The following KCNJ6 variants were observed in gnomAD, a reference collection of about 807,000 sequenced individuals.
The protein encoded by KCNJ6 is potassium inwardly rectifying channel subfamily J member 6.
A neutral mutation model predicts 34.2 loss-of-function variants in KCNJ6; 9 were observed. That is an observed-to-expected ratio of 0.26 (90% CI 0.16 to 0.46). The LOEUF (loss-of-function observed/expected upper bound fraction) is 0.46. KCNJ6 is among the 20% of genes least tolerant of loss of function. The probability of loss-of-function intolerance (pLI) is 1.00; values close to 1 mark genes in which losing one functional copy is unlikely to be tolerated. For missense variants in KCNJ6, 236 were observed against 531.3 expected (o/e 0.44, Z 5.46); for synonymous variants, 196 against 207.1 (o/e 0.95, Z 0.46).
Position 37,803,135 on chromosome 21 carries a change from G to A in KCNJ6, c.25+37523C>T, listed in dbSNP as rs2055277441. On this transcript the variant is annotated intron_variant, in intron 2 of 3. Coordinates refer to ENST00000609713, the MANE Select transcript of KCNJ6 (RefSeq NM_002240.5). Reference sequence around the variant, plus strand: ...TAAATTCTAAGCCTTTGACAATGACGTTGAAAATTATGTTTTCTTCCTTAG... The same window carrying A: ...TAAATTCTAAGCCTTTGACAATGACATTGAAAATTATGTTTTCTTCCTTAG... Among the ~76,000 whole-genome samples, 5 of 152,276 alleles carry A rather than the reference G, an allele frequency of 3.3e-5. No homozygotes were observed. In the South Asian group the frequency reaches 6.2e-4, roughly 19 times the overall value.
intron 3 of KCNJ6, among the ~76,000 whole-genome samples, chr21:37,684,348 A>AT (rs35320914): frequency 0.53 from 78,783 of 147,368 alleles, 20,727 homozygotes; most frequent in Non-Finnish European, 0.56. Context: ...TTTCCACTCC[A>AT]TTTTTTTTTT....
chr21:37,769,973 C>T (rs2055109956), intron 2 of KCNJ6, among the ~76,000 whole-genome samples: 1 of 152,208 alleles, frequency 6.6e-6, no homozygotes, highest in African/African-American at 2.4e-5. Context: ...CTTGATCTTA[C>T]ACTTCTCAGT....
chr21:37,863,044 C>T (rs532701258), intron 1 of KCNJ6, among the ~76,000 whole-genome samples: 3 of 152,178 alleles, frequency 2.0e-5, no homozygotes, highest in Admixed American at 6.5e-5. Context: ...CATAGACACT[C>T]GACATTCACA....
chr21:37,841,930 G>A (rs563041084), intron 1 of KCNJ6, among the ~76,000 whole-genome samples: 11 of 152,302 alleles, frequency 7.2e-5, no homozygotes, highest in African/African-American at 2.4e-4. Flanking sequence ...AAATCCTAAG[G>A]TGAGGTATGG....
intron 2 of KCNJ6, among the ~76,000 whole-genome samples, chr21:37,814,698 G>A (rs1462676889): frequency 1.3e-5 from 2 of 152,024 alleles, no homozygotes; most frequent in African/African-American, 2.4e-5. Flanking sequence ...AGAGATCGAG[G>A]CCATCCTGGC....
chr21:37,771,885 A>G (rs371168221), intron 2 of KCNJ6, among the ~76,000 whole-genome samples: 1 of 152,298 alleles, frequency 6.6e-6, no homozygotes, highest in East Asian at 1.9e-4. Flanking sequence ...AGGATTTTTC[A>G]TGGCCTCTAC....
chr21:37,836,781 C>A (rs1413959444), intron 2 of KCNJ6, among the ~76,000 whole-genome samples: 1 of 152,044 alleles, frequency 6.6e-6, no homozygotes, highest in Non-Finnish European at 1.5e-5. Context: ...GGAGAAATAC[C>A]TAATGTAGAT....
chr21:37,669,219 C>T (rs1380264028), intron 3 of KCNJ6, among the ~76,000 whole-genome samples: 1 of 152,212 alleles, frequency 6.6e-6, no homozygotes, highest in Non-Finnish European at 1.5e-5. Flanking sequence ...AGGCACCCCC[C>T]CACCTTCCAG....
intron 2 of KCNJ6, among the ~76,000 whole-genome samples, chr21:37,718,666 G>T (rs1449200930): frequency 6.6e-6 from 1 of 152,088 alleles, no homozygotes; most frequent in Non-Finnish European, 1.5e-5. Flanking sequence ...GTGCCTGTTA[G>T]GGGGTGGGGG....
At chr21:37,880,077 G>A (rs963292760) in intron 1 of KCNJ6, among the ~76,000 whole-genome samples, 7 of 142,864 alleles carry the variant, frequency 4.9e-5, no homozygotes, top group African/African-American at 1.9e-4. Flanking sequence ...TGGCCAACAT[G>A]GTGAAACCCG....
At chr21:37,913,011 A>C (rs2123655796) in intron 1 of KCNJ6, among the ~76,000 whole-genome samples, 1 of 152,360 alleles carries the variant, frequency 6.6e-6, no homozygotes, top group South Asian at 2.1e-4. Context: ...ACCAGTTGCC[A>C]AACCTTGACT....
intron 2 of KCNJ6, among the ~76,000 whole-genome samples, chr21:37,723,698 T>C (rs2054838577): frequency 6.6e-6 from 1 of 151,962 alleles, no homozygotes; most frequent in African/African-American, 2.4e-5. Context: ...CACTTATGAG[T>C]AGGAGCTAAA....
intron 2 of KCNJ6, among the ~76,000 whole-genome samples, chr21:37,743,007 C>A (rs775355348): frequency 2.0e-5 from 3 of 152,176 alleles, no homozygotes; most frequent in Admixed American, 6.5e-5. Context: ...CTAGCGAAAT[C>A]CTCAGGAGTC....
Position 37,761,333 on chromosome 21 carries a change from T to TA in KCNJ6, c.26-46203_26-46202insT, listed in dbSNP as rs1224324794. Among the ~76,000 whole-genome samples, 156 of 150,114 alleles carry TA rather than the reference T, an allele frequency of 1.0e-3. 2 individuals are homozygous for TA. Among genetic ancestry groups the TA allele is most frequent in the African/African-American group, 3.5e-3 (142 of 40,738 alleles). On this transcript the variant is annotated intron_variant, in intron 2 of 3. Coordinates refer to ENST00000609713, the MANE Select transcript of KCNJ6 (RefSeq NM_002240.5). ...GTGCTGTGTGTCTTGTGTGTATTAG[T>TA]GTGTGTATATTTGTGTGTTGTATGT...
intron 2 of KCNJ6, among the ~76,000 whole-genome samples, chr21:37,809,544 ATAT>A (rs1184721681): frequency 6.6e-6 from 1 of 152,168 alleles, no homozygotes; most frequent in Non-Finnish European, 1.5e-5. Context: ...AATAAAAAAG[ATAT>A]TATTATTCTT....
intron 3 of KCNJ6, among the ~76,000 whole-genome samples, chr21:37,651,300 G>A (rs542712583): frequency 7.2e-4 from 109 of 152,292 alleles, no homozygotes; most frequent in African/African-American, 2.6e-3. Context: ...GAGAGCGGGG[G>A]CCCACATGTA....
chr21:37,712,278 G>A (rs1487554411), intron 3 of KCNJ6, among the ~76,000 whole-genome samples: 1 of 152,096 alleles, frequency 6.6e-6, no homozygotes, highest in East Asian at 1.9e-4. Context: ...ATGGTGAAAA[G>A]GGAAAAGAAA....
chr21:37,806,085 G>C lies in KCNJ6; in HGVS notation c.25+34573C>G, dbSNP rs372402116. On this transcript the variant is annotated intron_variant, in intron 2 of 3. Transcript: ENST00000609713. ...ACGGAAGCCCAAACATGTTTGTTGA[G>C]TGAATTACTCTTCTGCTTCTATGTG... Among the ~76,000 whole-genome samples, 65 of 152,284 alleles carry C rather than the reference G, an allele frequency of 4.3e-4. 1 individual carries two copies. Among genetic ancestry groups the C allele is most frequent in the African/African-American group, 1.5e-3 (63 of 41,558 alleles).
intron 1 of KCNJ6, among the ~76,000 whole-genome samples, chr21:37,862,187 C>T (rs994204291): frequency 2.6e-5 from 4 of 152,186 alleles, no homozygotes; most frequent in Non-Finnish European, 2.9e-5. Flanking sequence ...ATTTTGCTTA[C>T]AATCAGGTGA....
Sources: gnomAD v4.1 joint callset for allele counts (sites outside exome capture counted in the v4.1 genomes callset) on GRCh38, gnomAD v4.1.1 for gene constraint, MANE v1.5 for transcripts, NCBI Gene and HGNC (gene_info 2026-07-23, HGNC 2026-07-21) for gene names.